The following BPNT2 variants were observed in gnomAD, a reference collection of about 807,000 sequenced individuals.
BPNT2 encodes 3'(2'), 5'-bisphosphate nucleotidase 2.
A neutral mutation model predicts 29.3 loss-of-function variants in BPNT2; 11 were observed. The observed-to-expected ratio is 0.38, with a 90% CI of 0.24 to 0.62. The LOEUF (loss-of-function observed/expected upper bound fraction) is 0.62, where lower values mean the gene tolerates loss of function less well. Among genes scored for constraint, BPNT2 ranks in the 20% least tolerant of loss-of-function variants. The probability of loss-of-function intolerance (pLI) is 0.62; values close to 1 mark genes in which losing one functional copy is unlikely to be tolerated. For missense variants in BPNT2, 459 were observed against 473.4 expected, an observed-to-expected ratio of 0.97 and a Z score of 0.28; for synonymous variants, 195 against 187.7, an observed-to-expected ratio of 1.04 and a Z score of -0.32.
rs571042879 is a variant in BPNT2 at position 56,966,427 on chromosome 8, G to A, written c.647-75C>T. 4.2e-5 allele frequency: 54 copies of A among 1,286,200 alleles called. No homozygotes were observed. The African/African-American group carries it at 7.9e-4, about 19-fold the overall frequency. The allele number at this position is 1,286,200 out of a possible 1,614,324, so 79.7% of individuals were successfully genotyped here. A position where few individuals can be genotyped will look rare whatever the true frequency, so the allele number is the denominator to read the frequency against. On this transcript the variant is annotated intron_variant, in intron 3 of 4. Transcript: ENST00000262644. ...AAGGTTATATTCTTCAGAACCCAAAGTGCTATGTATGACTGACAAAATAGC... is the reference window on the plus strand; with the variant it reads ...AAGGTTATATTCTTCAGAACCCAAAATGCTATGTATGACTGACAAAATAGC...
chr8:56,968,291 C>T (rs1805980741), intron 3 of BPNT2, among the ~76,000 whole-genome samples: 1 of 149,376 alleles, frequency 6.7e-6, no homozygotes, highest in Admixed American at 6.7e-5. Flanking sequence ...ACACAAAGGG[C>T]AACAGACTTC....
At chr8:56,969,757 G>A (rs1203639112) in intron 3 of BPNT2, among the ~76,000 whole-genome samples, 1 of 152,080 alleles carries the variant, frequency 6.6e-6, no homozygotes, top group Non-Finnish European at 1.5e-5. Flanking sequence ...GCAACAAAAA[G>A]AACAAATTTA....
intron 3 of BPNT2, among the ~76,000 whole-genome samples, chr8:56,970,663 T>A (rs1046847109): frequency 6.6e-6 from 1 of 152,202 alleles, no homozygotes; most frequent in African/African-American, 2.4e-5. Context: ...AATTTTATTA[T>A]ATTAATATAC....
intron 3 of BPNT2, among the ~76,000 whole-genome samples, chr8:56,973,297 G>A (rs1806067939): frequency 6.6e-6 from 1 of 152,008 alleles, no homozygotes; most frequent in South Asian, 2.1e-4. Context: ...TAGAGCAGGA[G>A]GTCATAAGGA....
At chr8:56,978,316 AG>A (rs111917085) in intron 2 of BPNT2, among the ~76,000 whole-genome samples, 171 bp from the exon 3 acceptor site, 394 of 152,324 alleles carry the variant, frequency 2.6e-3, no homozygotes, top group African/African-American at 9.4e-3. Context: ...CCTTTAAAGG[AG>A]TGGCTAACAG....
At chr8:56,978,499 G>A (rs1161321035) in intron 2 of BPNT2, among the ~76,000 whole-genome samples, 3 of 152,014 alleles carry the variant, frequency 2.0e-5, no homozygotes, top group Admixed American at 1.3e-4. Flanking sequence ...ATTCCTCAAA[G>A]GCCTGAAGAA....
rs148440829 is a variant in BPNT2, at chr8:56,980,140, T to C, written c.445A>G (p.Lys149Glu). 101 of 1,613,710 alleles carry C rather than the reference T, an allele frequency of 6.3e-5. No individual in the cohort carries two copies. The African/African-American group carries it at 1.2e-3, about 19-fold the overall frequency. ...TCCTTTAGGATATCCTCAGGAATCT[T>C]ATGATCCCACAAGATAACCTCCTGA... ...ADQEVILWDH[K>E]IPEDILKEVT... The change falls in exon 2 of 5, where the codon AAG (lysine) becomes GAG (glutamate). Residue 149 changes from lysine to glutamate, a missense_variant. Coordinates refer to ENST00000262644, the MANE Select transcript of BPNT2 (RefSeq NM_017813.5).
chr8:56,963,488 G>C lies in BPNT2; in HGVS notation c.*305C>G. On this transcript the variant is annotated 3_prime_UTR_variant, in exon 5 of 5. Coordinates refer to ENST00000262644, the MANE Select transcript of BPNT2 (RefSeq NM_017813.5). ...AAGATTCATGATGTTGTGTGAAAAT[G>C]GTGACTCATAACAATGTAGACTCAG... is the stretch of plus-strand genomic sequence containing the variant. 1 of 298,796 alleles carries C rather than the reference G, an allele frequency of 3.3e-6. No individual in the cohort carries two copies. Among genetic ancestry groups the C allele is most frequent in the South Asian group, 6.1e-5 (1 of 16,320 alleles). The allele number at this position is 298,796 out of a possible 1,614,324, so 18.5% of individuals were successfully genotyped here.
intron 4 of BPNT2, among the ~76,000 whole-genome samples, chr8:56,965,397 A>T (rs1156581272): frequency 1.3e-5 from 2 of 152,108 alleles, no homozygotes; most frequent in Non-Finnish European, 2.9e-5. Flanking sequence ...AAGGTTTTCC[A>T]ACACATTTGT....
In BPNT2 at chr8:56,978,058, T is replaced by C; in HGVS notation, c.638A>G (p.Glu213Gly). 1 of 1,586,412 alleles carries C rather than the reference T, an allele frequency of 6.3e-7. No homozygotes were observed. Among genetic ancestry groups the C allele is most frequent in the Non-Finnish European group, 8.7e-7 (1 of 1,155,052 alleles). Residue 213 changes from glutamate to glycine, a missense_variant, in exon 3 of 5, where the codon GAA becomes GGA. Glu to Gly is a moderately conservative substitution (Grantham distance 98). Transcript: ENST00000262644. ...MLGVIHKPFS[E>G]YTAWAMVDGG... ...TCTAGCAAATTTCATACCTGTATAT[T>C]CGGAAAATGGCTTATGTATAACTCC...
chr8:56,993,673 C>T lies in BPNT2; in HGVS notation c.-88G>A, dbSNP rs1229711331. On this transcript the variant is annotated 5_prime_UTR_variant, in exon 1 of 5. Transcript: ENST00000262644. The stretch of plus-strand genomic sequence containing the variant: ...GCCGCCGCAGCCGCCGCGCTCCGGG[C>T]CAGGCGCCGCGCGGGCTACACTGGC... 1.8e-6 allele frequency: 2 copies of T among 1,099,138 alleles called. No homozygotes were observed. Among genetic ancestry groups the T allele is most frequent in the African/African-American group, 1.7e-5 (1 of 59,604 alleles). The allele number at this position is 1,099,138 out of a possible 1,614,324, so 68.1% of individuals were successfully genotyped here. A position where few individuals can be genotyped will look rare whatever the true frequency, so the allele number is the denominator to read the frequency against.
chr8:56,977,759 A>G (rs1388286788), intron 3 of BPNT2, among the ~76,000 whole-genome samples: 1 of 145,738 alleles, frequency 6.9e-6, no homozygotes. Flanking sequence ...ACACTGGAAT[A>G]AACACTTATA....
At chr8:56,991,500 C>G (rs1806415181) in intron 1 of BPNT2, among the ~76,000 whole-genome samples, 1 of 152,202 alleles carries the variant, frequency 6.6e-6, no homozygotes, top group African/African-American at 2.4e-5. Flanking sequence ...AAAATCAACT[C>G]TGCTTGCTGT....
At chr8:56,971,748 A>G (rs1806035841) in intron 3 of BPNT2, among the ~76,000 whole-genome samples, 1 of 148,566 alleles carries the variant, frequency 6.7e-6, no homozygotes. Context: ...ACTGCACAAA[A>G]TTATAGTATG....
At chr8:56,979,930 A>G in intron 2 of BPNT2, 105 bp downstream of exon 2, 1 of 1,055,410 alleles carries the variant, frequency 9.5e-7, no homozygotes, top group Non-Finnish European at 1.5e-6. Flanking sequence ...ATGCTTCTTT[A>G]CTGAACAATC....
At position 56,960,326 on chromosome 8, in the gene BPNT2, A is replaced by G. The variant is rs974001792; in HGVS notation, c.*3467T>C. 6.6e-6 allele frequency: 1 copy of G among 152,212 alleles called. No individual in the cohort carries two copies. The highest frequency in any genetic ancestry group is 2.4e-5 in the African/African-American group (1 of 41,448). 9.4% of individuals were successfully genotyped at this position (152,212 alleles called of 1,614,324 possible). A position where few individuals can be genotyped will look rare whatever the true frequency, so the allele number is the denominator to read the frequency against. ...ATCCTGATCCTGGGGTGACCAGGGT[A>G]GATGTCTGCTTTGCATCCTCCCTGT... is the stretch of plus-strand genomic sequence containing the variant. On this transcript the variant is annotated 3_prime_UTR_variant, in exon 5 of 5. Coordinates refer to ENST00000262644, the MANE Select transcript of BPNT2 (RefSeq NM_017813.5).
chr8:56,990,567 A>C (rs953215146), intron 1 of BPNT2, among the ~76,000 whole-genome samples: 1 of 152,174 alleles, frequency 6.6e-6, no homozygotes, highest in South Asian at 2.1e-4. Context: ...TTTTGTTAGG[A>C]TAGCACTCAC....
chr8:56,977,838 A>T (rs1364255638), intron 3 of BPNT2, among the ~76,000 whole-genome samples: 1 of 152,174 alleles, frequency 6.6e-6, no homozygotes, highest in Non-Finnish European at 1.5e-5. Flanking sequence ...ATACTCCCTT[A>T]CAGTTTCAGC....
chr8:56,979,805 G>A (rs1280261419), intron 2 of BPNT2, among the ~76,000 whole-genome samples: 3 of 152,134 alleles, frequency 2.0e-5, no homozygotes, highest in African/African-American at 7.2e-5. Context: ...AAAGTCAGAT[G>A]TACATGCATT....
Sources: allele counts gnomAD v4.1 joint callset (sites outside exome capture counted in the v4.1 genomes callset), GRCh38; gene constraint gnomAD v4.1.1; transcripts MANE v1.5; gene names NCBI Gene and HGNC (gene_info 2026-07-23, HGNC 2026-07-21).